Variants in TENM2 observed in about 807,000 individuals in gnomAD.
TENM2 encodes teneurin-2.
In TENM2, 52 loss-of-function variants were observed where a neutral mutation model predicts 245.2. The ratio of observed to expected loss-of-function variants is 0.21; its 90% CI spans 0.17 to 0.27. The LOEUF (loss-of-function observed/expected upper bound fraction) is 0.27. TENM2 is among the 10% of genes least tolerant of loss of function. The pLI is 1.00. For missense variants in TENM2, 3,046 were observed against 3,666.8 expected, an observed-to-expected ratio of 0.83 and a Z score of 4.37; for synonymous variants, 1,363 against 1,438.9, an observed-to-expected ratio of 0.95 and a Z score of 1.19.
intron 2 of TENM2, among the ~76,000 whole-genome samples, chr5:167,456,828 CA>C (rs1256994157): frequency 3.3e-5 from 5 of 152,154 alleles, no homozygotes. Flanking sequence ...CAGGTTCAGG[CA>C]GATAATATTA....
intron 2 of TENM2, among the ~76,000 whole-genome samples, chr5:167,643,394 G>C (rs1779733760): frequency 6.6e-6 from 1 of 152,006 alleles, no homozygotes; most frequent in Admixed American, 6.6e-5. Context: ...CTTGTGTCTA[G>C]ATTATTTCAC....
At chr5:167,288,368 G>A (rs1754416944) in intron 1 of TENM2, among the ~76,000 whole-genome samples, 1 of 152,064 alleles carries the variant, frequency 6.6e-6, no homozygotes, top group South Asian at 2.1e-4. Context: ...GACCATCCTG[G>A]CTAACACGGT....
At chr5:167,611,547 A>T (rs905138217) in intron 2 of TENM2, among the ~76,000 whole-genome samples, 3 of 152,152 alleles carry the variant, frequency 2.0e-5, no homozygotes, top group Non-Finnish European at 4.4e-5. Context: ...GAGTTTTTCA[A>T]GAAAGTTCAG....
At chr5:167,562,802 C>G (rs769874665) in intron 2 of TENM2, among the ~76,000 whole-genome samples, 5 of 151,840 alleles carry the variant, frequency 3.3e-5, no homozygotes, top group Non-Finnish European at 5.9e-5. Flanking sequence ...ACCAAAAATA[C>G]AAAATTTAGC....
chr5:167,412,249 G>A (rs960595445), intron 2 of TENM2, among the ~76,000 whole-genome samples: 3 of 152,064 alleles, frequency 2.0e-5, no homozygotes, highest in African/African-American at 4.8e-5. Flanking sequence ...AGTGTTTTTA[G>A]TAATGGTTCA....
chr5:168,229,317 TATCCGTGGTC>T (rs1412376751), intron 25 of TENM2, among the ~76,000 whole-genome samples: 1 of 151,498 alleles, frequency 6.6e-6, no homozygotes, highest in East Asian at 1.9e-4. Context: ...CCTTCCTGCT[TATCCGTGGTC>T]ATCCAGAGCT....
intron 2 of TENM2, among the ~76,000 whole-genome samples, chr5:167,595,095 A>G (rs17068804): frequency 1.1e-3 from 172 of 152,308 alleles, no homozygotes; most frequent in African/African-American, 4.1e-3. Flanking sequence ...TCAAGGTTTT[A>G]AGATAATCAT....
At chr5:167,220,638 G>A in the TENM2 span, among the ~76,000 whole-genome samples, 3 of 152,104 alleles carry the variant, frequency 2.0e-5, no homozygotes, top group African/African-American at 7.2e-5. Context: ...CATAAGGGCC[G>A]GAGAGGACTG....
chr5:167,992,174 T>C (rs1490932511), intron 4 of TENM2, among the ~76,000 whole-genome samples: 1 of 152,140 alleles, frequency 6.6e-6, no homozygotes, highest in African/African-American at 2.4e-5. Flanking sequence ...TAGTGGACAC[T>C]GCTCTGATGA....
intron 19 of TENM2, among the ~76,000 whole-genome samples, chr5:168,210,518 C>T (rs753736421): frequency 1.3e-5 from 2 of 152,060 alleles, no homozygotes; most frequent in African/African-American, 2.4e-5. Context: ...CGAGAATTCC[C>T]GGCTGCCACC....
chr5:167,830,260 T>C (rs993035235), intron 2 of TENM2, among the ~76,000 whole-genome samples: 2 of 152,220 alleles, frequency 1.3e-5, no homozygotes, highest in African/African-American at 2.4e-5. Flanking sequence ...ATGTGTTTAA[T>C]TATTTCTTTC....
At chr5:167,675,046 G>C (rs915414842) in intron 2 of TENM2, among the ~76,000 whole-genome samples, 4 of 152,076 alleles carry the variant, frequency 2.6e-5, no homozygotes, top group African/African-American at 9.7e-5. Flanking sequence ...CTGATGTGCT[G>C]TCTGATGAAT....
chr5:167,410,926 A>G (rs1397756113), intron 2 of TENM2, among the ~76,000 whole-genome samples: 1 of 152,122 alleles, frequency 6.6e-6, no homozygotes. Flanking sequence ...AAACCCACCT[A>G]TTAACCTCTA....
intron 12 of TENM2, among the ~76,000 whole-genome samples, chr5:168,131,372 T>G (rs982837455): frequency 6.6e-5 from 10 of 152,212 alleles, no homozygotes; most frequent in African/African-American, 2.2e-4. Context: ...GCTTGATTCC[T>G]AGGACCTTGT....
At position 167,437,586 on chromosome 5, in the gene TENM2, A is replaced by G. The variant is rs1326770732; in HGVS notation, c.502+62113A>G. Among the ~76,000 whole-genome samples the G allele has an allele frequency of 2.0e-5, 3 of 152,234 alleles. No individual in the cohort carries two copies. The South Asian group carries it at 6.2e-4, about 32-fold the overall frequency. On this transcript the variant is annotated intron_variant, in intron 2 of 28. Coordinates refer to ENST00000518659, the Ensembl canonical transcript of TENM2. ...GAGGACATGAAATTTGGGAGTGGCC[A>G]GGGGCTGAAGATATGGTTTGGCTGT...
At chr5:167,391,813 A>T (rs1349372024) in intron 2 of TENM2, among the ~76,000 whole-genome samples, 2 of 152,042 alleles carry the variant, frequency 1.3e-5, no homozygotes, top group East Asian at 3.9e-4. Context: ...TTAAGACTGG[A>T]ACCTAGGAAA....
chr5:167,438,131 G>A (rs1764669063), intron 2 of TENM2, among the ~76,000 whole-genome samples: 1 of 152,138 alleles, frequency 6.6e-6, no homozygotes, highest in South Asian at 2.1e-4. Context: ...AGGTTAATTT[G>A]TAATCTGCTT....
intron 2 of TENM2, among the ~76,000 whole-genome samples, chr5:167,746,710 A>AGAGAGAGAGAGAGCGAGAGAGAGAGC (rs761614775): frequency 3.5e-5 from 5 of 144,862 alleles, no homozygotes; most frequent in Admixed American, 1.4e-4. Flanking sequence ...AGAGAGAGAG[A>AGAGAGAGAGAGAGCGAGAGAGAGAGC]GAGAGCTGGA....
intron 2 of TENM2, among the ~76,000 whole-genome samples, chr5:167,699,973 T>A (rs1758030391): frequency 1.3e-5 from 2 of 152,232 alleles, no homozygotes; most frequent in Admixed American, 1.3e-4. Context: ...AGTCTGGCTC[T>A]GAATTCACTT....
Sources: allele counts gnomAD v4.1 joint callset (sites outside exome capture counted in the v4.1 genomes callset), GRCh38; gene constraint gnomAD v4.1.1; transcripts MANE v1.5; gene names NCBI Gene and HGNC (gene_info 2026-07-23, HGNC 2026-07-21).